C4orf50: variants seen among roughly 807,000 people sequenced by gnomAD.
C4orf50 encodes uncharacterized protein C4orf50.
In C4orf50, 80 loss-of-function variants were observed where a neutral mutation model predicts 77.2. The ratio of observed to expected loss-of-function variants is 1.04; its 90% CI spans 0.87 to 1.25. The LOEUF (loss-of-function observed/expected upper bound fraction) is 1.25, where lower values mean the gene tolerates loss of function less well. C4orf50 is among the 50% of genes most tolerant of loss of function. The pLI is 0.00. For synonymous variants in C4orf50, 532 were observed against 465.3 expected (o/e 1.14, Z -1.84); for missense variants, 1,257 against 1,152.9 (o/e 1.09, Z -1.31).
At chr4:6,003,676 GATA>G (rs1335878747) in intron 25 of C4orf50, among the ~76,000 whole-genome samples, 4 of 139,166 alleles carry the variant, frequency 2.9e-5, no homozygotes, top group African/African-American at 5.3e-5. Context: ...TGATGGTGAT[GATA>G]GTGATGATGG....
intron 25 of C4orf50, among the ~76,000 whole-genome samples, chr4:5,999,937 C>T (rs1014618151): frequency 2.0e-5 from 3 of 152,324 alleles, no homozygotes; most frequent in African/African-American, 7.2e-5. Flanking sequence ...ACTCAGGGAC[C>T]TGCAGCTCAG....
At chr4:5,968,760 G>A (rs1445433868) in intron 31 of C4orf50, among the ~76,000 whole-genome samples, 1 of 152,128 alleles carries the variant, frequency 6.6e-6, no homozygotes, top group Non-Finnish European at 1.5e-5. Flanking sequence ...TGGGTTTAGA[G>A]TCAGGTGTCT....
At chr4:5,960,584 G>C (rs1719218245) in intron 33 of C4orf50, among the ~76,000 whole-genome samples, 1 of 152,198 alleles carries the variant, frequency 6.6e-6, no homozygotes, top group Non-Finnish European at 1.5e-5. Flanking sequence ...CCTTGTCCCT[G>C]CCCTCAGAGC....
exon 28 of C4orf50, chr4:5,990,733 C>T (rs73069587): frequency 1.5e-5 from 6 of 398,822 alleles, no homozygotes; most frequent in African/African-American, 8.2e-5. Context: ...CAGGTCCATG[C>T]GGAGGAGTGA....
chr4:5,969,901 C>A (rs916228238), intron 31 of C4orf50, among the ~76,000 whole-genome samples: 16 of 152,094 alleles, frequency 1.1e-4, no homozygotes, highest in Non-Finnish European at 1.5e-4. Context: ...TCTGACGGGA[C>A]CTTCCATCTG....
chr4:5,975,139 CAA>C (rs763836859), intron 30 of C4orf50, among the ~76,000 whole-genome samples: 3 of 82,864 alleles, frequency 3.6e-5, no homozygotes, highest in Admixed American at 1.7e-4. Context: ...CACTCCATCT[CAA>C]AAAAAAAAAA....
chr4:6,015,794 A>G lies in C4orf50; in HGVS notation c.287+2351T>C, dbSNP rs2108815736. On this transcript the variant is annotated intron_variant, in intron 23 of 33. Coordinates refer to ENST00000531445, the Ensembl canonical transcript of C4orf50. This position sits in a 1 kb window ranked among gnomAD's most constrained non-coding sequence, Gnocchi z 4.4. ...CTCCTGGCCCTGCCTTCATCTTTGG[A>G]GCCAGCTGCATGCAATCCCACACTG... 6.6e-6 allele frequency among the ~76,000 whole-genome samples: 1 copy of G among 152,252 alleles called. No homozygotes were observed. The highest frequency in any genetic ancestry group is 1.9e-4 in the East Asian group (1 of 5,162).
chr4:5,984,280 T>C (rs138971032), intron 28 of C4orf50, among the ~76,000 whole-genome samples: 1 of 152,174 alleles, frequency 6.6e-6, no homozygotes, highest in Non-Finnish European at 1.5e-5. Context: ...ATGTCCAACA[T>C]AAAAGTTTTT....
At position 5,908,000 on chromosome 4, in the gene C4orf50, G is replaced by A. The variant is rs1716631256; in HGVS notation, c.*2475-9812C>T. On this transcript the variant is annotated intron_variant, in intron 7 of 7. Coordinates refer to the C4orf50 transcript ENST00000324058. ...GAGACATATTTCAGTTGAAGGTAAA[G>A]AAGGACTTTTTAACAAAAAGAGCTG... Among the ~76,000 whole-genome samples the A allele has an allele frequency of 2.0e-5, 3 of 152,310 alleles. No homozygotes were observed. In the South Asian group the frequency reaches 6.2e-4, roughly 32 times the overall value.
Position 5,908,820 on chromosome 4 carries a change from C to T in C4orf50, c.*2475-10632G>A, listed in dbSNP as rs1434923659. Reference sequence around the variant, plus strand: ...TACTTGGGGACCATTTTGTCACTGCCCTTTCTCTCACTCTGATCTGTAAAT... The same window carrying T: ...TACTTGGGGACCATTTTGTCACTGCTCTTTCTCTCACTCTGATCTGTAAAT... On this transcript the variant is annotated intron_variant, in intron 7 of 7. Transcript: ENST00000324058. The surrounding 1 kb of genome is among the most constrained non-coding windows in gnomAD (Gnocchi z 5.6). Among the ~76,000 whole-genome samples the T allele has an allele frequency of 6.6e-6, 1 of 152,152 alleles. No individual in the cohort carries two copies. Among genetic ancestry groups the T allele is most frequent in the East Asian group, 1.9e-4 (1 of 5,176 alleles).
At chr4:5,954,387 G>C (rs538370120), downstream of C4orf50, among the ~76,000 whole-genome samples, 7 of 152,240 alleles carry the variant, frequency 4.6e-5, no homozygotes, top group East Asian at 1.4e-3. This position sits in a 1 kb window ranked among gnomAD's most constrained non-coding sequence, Gnocchi z 4.7. Flanking sequence ...CCTGCTGCCC[G>C]ATGCTAAATT....
At chr4:5,934,591 T>A (rs1003046815) in intron 7 of C4orf50, among the ~76,000 whole-genome samples, 1 of 152,090 alleles carries the variant, frequency 6.6e-6, no homozygotes. Flanking sequence ...CACCCATGCT[T>A]TTTCCTCAGC....
At chr4:5,986,538 ATTT>A (rs199690104) in intron 28 of C4orf50, among the ~76,000 whole-genome samples, 13,655 of 136,090 alleles carry the variant, frequency 0.1, 648 homozygotes, top group Non-Finnish European at 0.12. Flanking sequence ...TAACAACGTC[ATTT>A]TTTTTTTTTT....
In C4orf50 at chr4:5,958,214, T is replaced by C. The variant is rs961500186; in HGVS notation, c.*1161A>G. The C allele has an allele frequency of 8.6e-5, 13 of 151,814 alleles. No homozygotes were observed. Among genetic ancestry groups the C allele is most frequent in the East Asian group, 2.0e-4 (1 of 5,116 alleles). 9.4% of individuals were successfully genotyped at this position (151,814 alleles called of 1,614,324 possible). On this transcript the variant is annotated 3_prime_UTR_variant, in exon 34 of 34. Coordinates refer to ENST00000531445, the Ensembl canonical transcript of C4orf50. The surrounding 1 kb of genome is among the most constrained non-coding windows in gnomAD (Gnocchi z 5.4). Reference sequence around the variant, plus strand: ...CGTCCAAGCCCCCTAGACTCTCTTTTTGGGGGGCTGCCCTCAGGATAGAAG... The same window carrying C: ...CGTCCAAGCCCCCTAGACTCTCTTTCTGGGGGGCTGCCCTCAGGATAGAAG...
rs559774400 is a variant in C4orf50, at chr4:5,914,750, G to C, written c.*2475-16562C>G. Among the ~76,000 whole-genome samples the C allele has an allele frequency of 1.0e-3, 155 of 152,254 alleles. 1 individual carries two copies. Among genetic ancestry groups the C allele is most frequent in the Non-Finnish European group, 1.8e-3 (120 of 68,024 alleles). On this transcript the variant is annotated intron_variant, in intron 7 of 7. Transcript: ENST00000324058. Reference sequence around the variant, plus strand: ...CTATTCTATAGCATTAAAGTTATTTGTACTTGATCTCACTTGGACATAATA... The same window carrying C: ...CTATTCTATAGCATTAAAGTTATTTCTACTTGATCTCACTTGGACATAATA...
Position 5,989,870 on chromosome 4 carries a change from GC to G in C4orf50, c.2175del (p.Leu726Ter). The G allele has an allele frequency of 6.9e-7, 1 of 1,449,780 alleles. No homozygotes were observed. Among genetic ancestry groups the G allele is most frequent in the Admixed American group, 2.6e-5 (1 of 38,262 alleles). 89.8% of individuals were successfully genotyped at this position (1,449,780 alleles called of 1,614,324 possible). A position where few individuals can be genotyped will look rare whatever the true frequency, so the allele number is the denominator to read the frequency against. On this transcript the variant is annotated frameshift_variant, in exon 28 of 34. Coordinates refer to ENST00000531445, the Ensembl canonical transcript of C4orf50. LOFTEE classifies it high-confidence loss of function. ...TGCGGCATCTCATCCTCTTCCTCTA[GC>G]CCTTTGTCCTCCAGGCTTCCTCCTT...
chr4:5,917,983 C>A (rs1717105884), intron 7 of C4orf50, among the ~76,000 whole-genome samples: 1 of 152,100 alleles, frequency 6.6e-6, no homozygotes, highest in Admixed American at 6.5e-5. Flanking sequence ...TGGCCCGACG[C>A]AAATGACGAC....
intron 7 of C4orf50, among the ~76,000 whole-genome samples, chr4:5,936,862 G>C (rs577416606): frequency 6.6e-6 from 1 of 152,084 alleles, no homozygotes; most frequent in East Asian, 1.9e-4. Context: ...GATGCTAAAA[G>C]CAATCAGAGA....
chr4:5,918,325 G>A (rs113712636), intron 7 of C4orf50, among the ~76,000 whole-genome samples: 3 of 152,144 alleles, frequency 2.0e-5, no homozygotes, highest in East Asian at 1.9e-4. Context: ...GGAGGGCCTC[G>A]CTCAAGGCTC....
Sources: gnomAD v4.1 joint callset for allele counts (sites outside exome capture counted in the v4.1 genomes callset) on GRCh38, gnomAD v4.1.1 for gene constraint, Gnocchi (gnomAD v3.1) non-coding constraint, MANE v1.5 for transcripts, NCBI Gene and HGNC (gene_info 2026-07-23, HGNC 2026-07-21) for gene names.